The following MERTK variants were observed in gnomAD, a reference collection of about 807,000 sequenced individuals.
MERTK encodes MER proto-oncogene, tyrosine kinase.
In MERTK, 69 loss-of-function variants were observed where a neutral mutation model predicts 99.3. That is an observed-to-expected ratio of 0.70 (90% CI 0.57 to 0.85). MERTK has a LOEUF of 0.85. Ranked by LOEUF, MERTK falls within the 40% of genes least tolerant of loss-of-function variation. MERTK has a pLI of 0.00. For missense variants in MERTK, 1,125 were observed against 1,249.4 expected (o/e 0.90, Z 1.50); for synonymous variants, 426 against 467.6 (o/e 0.91, Z 1.15).
At chr2:112,008,742 T>C (rs55799805) in intron 14 of MERTK, 134,506 of 535,560 alleles carry the variant, frequency 0.25, 18,248 homozygotes, top group Admixed American at 0.32. Context: ...AATTAAATTG[T>C]CCTCAGTTAC....
At chr2:111,913,772 C>T (rs1684295280) in intron 1 of MERTK, among the ~76,000 whole-genome samples, 1 of 152,200 alleles carries the variant, frequency 6.6e-6, no homozygotes, top group South Asian at 2.1e-4. Context: ...TGGTGTTGAA[C>T]TCCTGACTTC....
chr2:111,935,638 CGTGTGTGTGTGTGTGTGTGTGTGT>C (rs55986780), intron 2 of MERTK, among the ~76,000 whole-genome samples: 4 of 139,932 alleles, frequency 2.9e-5, no homozygotes, highest in East Asian at 2.2e-4. Context: ...GGTCTTGGCT[CGTGTGTGTGTGTGTGTGTGTGTGT>C]GTGTGTGTGT....
At chr2:111,931,862 TA>T (rs1684678391) in intron 2 of MERTK, among the ~76,000 whole-genome samples, 1 of 152,176 alleles carries the variant, frequency 6.6e-6, no homozygotes, top group Non-Finnish European at 1.5e-5. Context: ...TTCCCTGGTC[TA>T]TTTTCCAAAG....
At chr2:111,985,214 T>C (rs1157860674) in intron 8 of MERTK, among the ~76,000 whole-genome samples, 1 of 152,194 alleles carries the variant, frequency 6.6e-6, no homozygotes, top group Non-Finnish European at 1.5e-5. Flanking sequence ...TTGATTTTGA[T>C]TTCTATGAAG....
Position 112,001,298 on chromosome 2 carries a change from T to C in MERTK, c.1690+12T>C, listed in dbSNP as rs1362651107. Reference sequence around the variant, plus strand: ...CATTGAACTTACCTGTAAGTTGACTTTCATTTCCCTTTTTGGCAAAAGTTA... The same window carrying C: ...CATTGAACTTACCTGTAAGTTGACTCTCATTTCCCTTTTTGGCAAAAGTTA... On this transcript the variant is annotated intron_variant, in intron 11 of 18. Transcript: ENST00000295408. 1 of 1,600,148 alleles carries C rather than the reference T, an allele frequency of 6.2e-7. No individual in the cohort carries two copies. The highest frequency in any genetic ancestry group is 2.2e-5 in the East Asian group (1 of 44,834).
At chr2:111,919,727 CAT>C (rs1369794292) in intron 1 of MERTK, among the ~76,000 whole-genome samples, 4 of 151,772 alleles carry the variant, frequency 2.6e-5, no homozygotes, top group East Asian at 1.9e-4. Flanking sequence ...GCCCTGCTAA[CAT>C]GTGTGTTCAA....
At chr2:111,985,598 C>G (rs1457505585) in intron 8 of MERTK, among the ~76,000 whole-genome samples, 1 of 152,186 alleles carries the variant, frequency 6.6e-6, no homozygotes, top group Non-Finnish European at 1.5e-5. Flanking sequence ...AATGGACTCA[C>G]AGTTCCACAT....
intron 1 of MERTK, among the ~76,000 whole-genome samples, chr2:111,922,719 G>T (rs887404687): frequency 6.6e-6 from 1 of 152,226 alleles, no homozygotes; most frequent in African/African-American, 2.4e-5. Flanking sequence ...AAGTTATAGA[G>T]CTTTCCTGAG....
At chr2:111,933,072 C>G (rs559329142) in intron 2 of MERTK, among the ~76,000 whole-genome samples, 1 of 152,160 alleles carries the variant, frequency 6.6e-6, no homozygotes, top group Non-Finnish European at 1.5e-5. Context: ...TGGCGATACT[C>G]CTGCTCTGTC....
intron 3 of MERTK, 150 bp downstream of exon 3, chr2:111,945,210 A>G: frequency 1.5e-6 from 1 of 672,098 alleles, no homozygotes; most frequent in Non-Finnish European, 2.7e-6. Flanking sequence ...GAAATTTTAC[A>G]AGGTACTCCA....
At chr2:111,919,351 G>A (rs72938437) in intron 1 of MERTK, among the ~76,000 whole-genome samples, 5,374 of 142,878 alleles carry the variant, frequency 0.038, 306 homozygotes, top group African/African-American at 0.13. Flanking sequence ...AATCATAAGA[G>A]GAGATTTTTT....
chr2:111,912,763 GC>G (rs1684277196), intron 1 of MERTK, among the ~76,000 whole-genome samples: 1 of 151,970 alleles, frequency 6.6e-6, no homozygotes, highest in African/African-American at 2.4e-5. Context: ...ATCATTCAGT[GC>G]CCCATCCTCA....
chr2:111,920,980 C>T (rs554348664), intron 1 of MERTK, among the ~76,000 whole-genome samples: 12 of 151,664 alleles, frequency 7.9e-5, no homozygotes, highest in Non-Finnish European at 1.5e-4. Context: ...ATCAGGAATC[C>T]TTTGGGTATT....
intron 9 of MERTK, chr2:111,996,334 C>CACATCCTA (rs1676738329): frequency 6.5e-6 from 1 of 154,068 alleles, no homozygotes; most frequent in African/African-American, 2.4e-5. Flanking sequence ...ATAACAGATG[C>CACATCCTA]ACATCCTATC....
chr2:111,982,979 A>C lies in MERTK; in HGVS notation c.1282A>C (p.Ser428Arg). The C allele has an allele frequency of 6.2e-7, 1 of 1,614,020 alleles. No individual in the cohort carries two copies. The highest frequency in any genetic ancestry group is 1.7e-5 in the Admixed American group (1 of 60,004). The change falls in exon 8 of 19, where the codon AGT becomes CGT. Residue 428 changes from serine to arginine, a missense_variant. Coordinates refer to ENST00000295408, the MANE Select transcript of MERTK (RefSeq NM_006343.3). Reference sequence around the variant, plus strand: ...CTACCGGATATCCCACGTGTGGCAGAGTGCAGGGATTTCCGTAAGTCTAAA... The same window carrying C: ...CTACCGGATATCCCACGTGTGGCAGCGTGCAGGGATTTCCGTAAGTCTAAA... ...VGYRISHVWQ[S>R]AGISKELLEE...
intron 1 of MERTK, among the ~76,000 whole-genome samples, chr2:111,921,425 T>TA (rs992898359): frequency 1.3e-5 from 2 of 151,034 alleles, no homozygotes; most frequent in Non-Finnish European, 2.9e-5. Context: ...GCTTGAACCC[T>TA]GGAGGCGAGG....
chr2:111,954,444 T>G (rs565891677), intron 4 of MERTK, among the ~76,000 whole-genome samples: 1 of 152,302 alleles, frequency 6.6e-6, no homozygotes, highest in East Asian at 1.9e-4. Context: ...CCAAGAAGAC[T>G]TACTAATCAA....
intron 6 of MERTK, among the ~76,000 whole-genome samples, chr2:111,970,750 TCC>T (rs1177810544): frequency 2.8e-5 from 2 of 72,684 alleles, no homozygotes; most frequent in African/African-American, 1.1e-4. Context: ...TCCTCCCTCC[TCC>T]CTTCTCCTCC....
intron 8 of MERTK, among the ~76,000 whole-genome samples, chr2:111,985,567 A>G (rs566518787): frequency 1.3e-5 from 2 of 152,186 alleles, no homozygotes; most frequent in Non-Finnish European, 2.9e-5. Flanking sequence ...AGACTAGGTA[A>G]TTATAAAGAA....
Sources: allele counts gnomAD v4.1 joint callset (sites outside exome capture counted in the v4.1 genomes callset), GRCh38; gene constraint gnomAD v4.1.1; transcripts MANE v1.5; gene names NCBI Gene and HGNC (gene_info 2026-07-23, HGNC 2026-07-21).